FSTL4: variants seen among roughly 807,000 people sequenced by gnomAD.
The protein encoded by FSTL4 is follistatin like 4, also known as follistatin-related protein 4.
In FSTL4, 28 loss-of-function variants were observed where a neutral mutation model predicts 78.2. The ratio of observed to expected loss-of-function variants is 0.36; its 90% CI spans 0.27 to 0.49. FSTL4 has a LOEUF of 0.49. Among genes scored for constraint, FSTL4 ranks in the 20% least tolerant of loss-of-function variants. The pLI is 0.98. For missense variants in FSTL4, 922 were observed against 1,084.9 expected (o/e 0.85, Z 2.11); for synonymous variants, 422 against 440.5 (o/e 0.96, Z 0.53).
At chr5:133,646,126 C>G in the FSTL4 span, among the ~76,000 whole-genome samples, 1 of 152,086 alleles carries the variant, frequency 6.6e-6, no homozygotes. Context: ...CAATTACAAA[C>G]TAATAAGTGC....
chr5:133,541,445 T>A (rs1759470739), intron 3 of FSTL4, among the ~76,000 whole-genome samples: 2 of 152,136 alleles, frequency 1.3e-5, no homozygotes, highest in Non-Finnish European at 2.9e-5. Context: ...GAAGCTACCC[T>A]GTCATCTACG....
At chr5:133,812,731 C>A in the FSTL4 span, among the ~76,000 whole-genome samples, 1 of 152,198 alleles carries the variant, frequency 6.6e-6, no homozygotes, top group Admixed American at 6.5e-5. Context: ...ATTTACATAC[C>A]TGTTTATTGT....
the FSTL4 span, among the ~76,000 whole-genome samples, chr5:133,635,043 C>A: frequency 1.3e-5 from 2 of 151,432 alleles, no homozygotes; most frequent in African/African-American, 4.9e-5. Context: ...CTCTACTTGG[C>A]ATTTTATTGA....
At chr5:133,538,691 T>A (rs1173467549) in intron 3 of FSTL4, among the ~76,000 whole-genome samples, 1 of 152,308 alleles carries the variant, frequency 6.6e-6, no homozygotes, top group East Asian at 1.9e-4. Flanking sequence ...TTTTATTCAG[T>A]GTGTTATAAT....
At chr5:133,263,745 GTGT>G (rs1752585305) in intron 6 of FSTL4, among the ~76,000 whole-genome samples, 3 of 152,194 alleles carry the variant, frequency 2.0e-5, no homozygotes, top group Non-Finnish European at 4.4e-5. Context: ...TGTTTTTAAG[GTGT>G]TGTGTTTGTG....
the FSTL4 span, among the ~76,000 whole-genome samples, chr5:133,812,754 C>G: frequency 6.6e-6 from 1 of 152,236 alleles, no homozygotes. Flanking sequence ...GCCTCCACTA[C>G]AGAATGTAAG....
chr5:133,452,285 G>C lies in FSTL4; in HGVS notation c.161-51299C>G, dbSNP rs574964613. 6.1e-4 allele frequency among the ~76,000 whole-genome samples: 93 copies of C among 152,310 alleles called. 2 individuals carry two copies. In the South Asian group the frequency reaches 0.013, roughly 21 times the overall value. The stretch of plus-strand genomic sequence containing the variant: ...GTCTAAGAAGATATAGACTATTCTT[G>C]TTGTATCATCCTTTGCTCATATCTC... On this transcript the variant is annotated intron_variant, in intron 3 of 15. Transcript: ENST00000265342.
the FSTL4 span, among the ~76,000 whole-genome samples, chr5:133,660,663 G>A: frequency 1.3e-5 from 2 of 152,128 alleles, no homozygotes; most frequent in East Asian, 1.9e-4. Context: ...TGTGCCACTG[G>A]GTGACTGCAG....
chr5:133,559,411 G>A (rs1224791528), intron 3 of FSTL4, among the ~76,000 whole-genome samples: 7 of 152,190 alleles, frequency 4.6e-5, no homozygotes, highest in South Asian at 2.1e-4. Flanking sequence ...TGAGAGATGA[G>A]GGTGAGTCTC....
At chr5:133,738,166 C>G in the FSTL4 span, among the ~76,000 whole-genome samples, 1 of 152,276 alleles carries the variant, frequency 6.6e-6, no homozygotes, top group East Asian at 1.9e-4. Context: ...CTTCTACCTC[C>G]CAACATCACT....
chr5:133,674,620 T>C, the FSTL4 span, among the ~76,000 whole-genome samples: 1 of 151,544 alleles, frequency 6.6e-6, no homozygotes, highest in South Asian at 2.1e-4. Context: ...TCTGTGTGTG[T>C]GTGTGTGTGT....
chr5:133,229,478 A>AG, intron 8 of FSTL4, among the ~76,000 whole-genome samples: 1 of 152,150 alleles, frequency 6.6e-6, no homozygotes, highest in Non-Finnish European at 1.5e-5. Flanking sequence ...AGCCTAGATC[A>AG]TGCTATTGCA....
In FSTL4 at chr5:133,236,206, C is replaced by G. The variant is rs1014945950; in HGVS notation, c.895-2669G>C. ...AGCTGGCCTCAGGCTCTGGCAGGCC[C>G]TGCCCTCATCACCACCTGTGTGGTG... On this transcript the variant is annotated intron_variant, in intron 7 of 15. Transcript: ENST00000265342. The surrounding 1 kb of genome is among the most constrained non-coding windows in gnomAD (Gnocchi z 5.0). 3.1e-4 allele frequency among the ~76,000 whole-genome samples: 45 copies of G among 147,142 alleles called. No individual in the cohort carries two copies. Among genetic ancestry groups the G allele is most frequent in the African/African-American group, 1.0e-3 (43 of 41,106 alleles).
At chr5:133,469,619 A>G (rs1385860477) in intron 3 of FSTL4, among the ~76,000 whole-genome samples, 1 of 152,202 alleles carries the variant, frequency 6.6e-6, no homozygotes, top group Non-Finnish European at 1.5e-5. Flanking sequence ...ACAAAAGGAG[A>G]GGGTTCAAAA....
chr5:133,550,697 A>G (rs1469745731), intron 3 of FSTL4, among the ~76,000 whole-genome samples: 1 of 152,222 alleles, frequency 6.6e-6, no homozygotes, highest in Non-Finnish European at 1.5e-5. Flanking sequence ...TAACCAGTAC[A>G]TTGGATCATA....
the FSTL4 span, among the ~76,000 whole-genome samples, chr5:133,821,073 A>G: frequency 1.3e-5 from 2 of 152,250 alleles, no homozygotes; most frequent in African/African-American, 4.8e-5. Context: ...AATACAAACT[A>G]TCTCATAGGC....
intron 3 of FSTL4, among the ~76,000 whole-genome samples, chr5:133,504,130 G>A (rs1758563715): frequency 1.3e-5 from 2 of 152,146 alleles, no homozygotes; most frequent in African/African-American, 2.4e-5. Context: ...TGGGGATTAT[G>A]GGAACTACAA....
chr5:133,702,584 C>T, the FSTL4 span, among the ~76,000 whole-genome samples: 1 of 152,198 alleles, frequency 6.6e-6, no homozygotes, highest in Non-Finnish European at 1.5e-5. Context: ...CATCCTTCAA[C>T]ACCACTTACC....
chr5:133,775,749 C>T, the FSTL4 span, among the ~76,000 whole-genome samples: 5 of 152,132 alleles, frequency 3.3e-5, no homozygotes, highest in Non-Finnish European at 7.4e-5. Flanking sequence ...AGGGAACTTC[C>T]TATTATCAAC....
Sources: gnomAD v4.1 joint callset for allele counts (sites outside exome capture counted in the v4.1 genomes callset) on GRCh38, gnomAD v4.1.1 for gene constraint, Gnocchi (gnomAD v3.1) non-coding constraint, MANE v1.5 for transcripts, NCBI Gene and HGNC (gene_info 2026-07-23, HGNC 2026-07-21) for gene names.